The following ELAPOR2 variants were observed in gnomAD, a reference collection of about 807,000 sequenced individuals.
ELAPOR2 encodes endosome/lysosome-associated apoptosis and autophagy regulator family member 2.
A neutral mutation model predicts 120.7 loss-of-function variants in ELAPOR2; 89 were observed. The observed-to-expected ratio is 0.74, with a 90% CI of 0.62 to 0.88. The LOEUF (loss-of-function observed/expected upper bound fraction) is 0.88, where lower values mean the gene tolerates loss of function less well. Among genes scored for constraint, ELAPOR2 ranks in the 40% least tolerant of loss-of-function variants. The pLI, the probability that ELAPOR2 is intolerant of heterozygous loss-of-function variation, is 0.00. For missense variants in ELAPOR2, 1,134 were observed against 1,251.6 expected, an observed-to-expected ratio of 0.91 and a Z score of 1.42; for synonymous variants, 444 against 444.9, an observed-to-expected ratio of 1.00 and a Z score of 0.03.
chr7:87,029,694 C>A (rs1794366719), intron 1 of ELAPOR2, among the ~76,000 whole-genome samples: 1 of 151,928 alleles, frequency 6.6e-6, no homozygotes, highest in African/African-American at 2.4e-5. Flanking sequence ...CTTGCTTGTT[C>A]AAATTATTCA....
At chr7:86,921,570 T>C (rs997205993) in intron 10 of ELAPOR2, among the ~76,000 whole-genome samples, 8 of 152,134 alleles carry the variant, frequency 5.3e-5, no homozygotes, top group African/African-American at 1.7e-4. Context: ...TTCTGGCCTC[T>C]AGAACTCTGA....
intron 2 of ELAPOR2, among the ~76,000 whole-genome samples, chr7:86,960,455 G>A (rs914305823): frequency 1.3e-4 from 20 of 152,102 alleles, no homozygotes; most frequent in African/African-American, 4.6e-4. Flanking sequence ...GTTTCACTAT[G>A]TTGGCCAGGC....
Position 86,923,311 on chromosome 7 carries a change from T to C in ELAPOR2, c.1399+2217A>G, listed in dbSNP as rs532090770. 2.6e-5 allele frequency among the ~76,000 whole-genome samples: 4 copies of C among 152,114 alleles called. No homozygotes were observed. In the East Asian group the frequency reaches 7.8e-4, roughly 30 times the overall value. On this transcript the variant is annotated intron_variant, in intron 10 of 21. Coordinates refer to ENST00000450689, the MANE Select transcript of ELAPOR2 (RefSeq NM_001142749.3). ...TAGAATGTCCCCAACATTAAAAAGA[T>C]TGTTTGAGATGATAATATCCCATTA...
At chr7:86,890,066 A>T (rs1229520842) in intron 21 of ELAPOR2, among the ~76,000 whole-genome samples, 1 of 151,904 alleles carries the variant, frequency 6.6e-6, no homozygotes, top group African/African-American at 2.4e-5. Context: ...AGCTTCAGTC[A>T]GTCATATTAA....
intron 18 of ELAPOR2, among the ~76,000 whole-genome samples, chr7:86,901,630 G>A (rs766360968): frequency 2.0e-4 from 30 of 152,246 alleles, no homozygotes; most frequent in South Asian, 4.2e-4. Flanking sequence ...TCTGGATTTT[G>A]TCTGAGGAGA....
chr7:87,035,389 T>A (rs575294949), intron 1 of ELAPOR2, among the ~76,000 whole-genome samples: 8 of 152,334 alleles, frequency 5.3e-5, no homozygotes, highest in African/African-American at 1.9e-4. Flanking sequence ...CTGCATCCTT[T>A]TGTCTACTAC....
chr7:86,978,679 C>T (rs1792360336), intron 1 of ELAPOR2, among the ~76,000 whole-genome samples: 1 of 152,166 alleles, frequency 6.6e-6, no homozygotes, highest in African/African-American at 2.4e-5. Context: ...AACTGTGTGC[C>T]TTAGGAAGGG....
intron 1 of ELAPOR2, among the ~76,000 whole-genome samples, chr7:87,008,706 T>C (rs2116656057): frequency 6.6e-6 from 1 of 152,324 alleles, no homozygotes; most frequent in Admixed American, 6.5e-5. Context: ...AGGAAATATG[T>C]ACTGAATTAT....
chr7:86,957,353 T>C (rs1791517623), intron 2 of ELAPOR2, among the ~76,000 whole-genome samples: 1 of 152,162 alleles, frequency 6.6e-6, no homozygotes, highest in Admixed American at 6.6e-5. Context: ...CCTACAAAAA[T>C]AAAACACTAA....
chr7:87,011,264 A>AAAAAAG lies in ELAPOR2; in HGVS notation c.190-46241_190-46240insCTTTTT, dbSNP rs1554404742. ...GACTCCATCTCAAAAAAAAAAAAAA[A>AAAAAAG]AAAAGAAAAGAAAAAGAAAATACAC... is the stretch of plus-strand genomic sequence containing the variant. On this transcript the variant is annotated intron_variant, in intron 1 of 21. Transcript: ENST00000450689. Among the ~76,000 whole-genome samples, 842 of 133,578 alleles carry AAAAAAG rather than the reference A, an allele frequency of 6.3e-3. 11 individuals are homozygous for AAAAAAG. The highest frequency in any genetic ancestry group is 7.5e-3 in the Non-Finnish European group (490 of 65,186). 87.6% of individuals were successfully genotyped at this position (133,578 alleles called of 152,430 possible).
chr7:86,911,191 C>T (rs926416532), intron 15 of ELAPOR2, among the ~76,000 whole-genome samples: 1 of 152,082 alleles, frequency 6.6e-6, no homozygotes, highest in African/African-American at 2.4e-5. Context: ...GTATCTGGCA[C>T]ATAACAGGTA....
intron 1 of ELAPOR2, among the ~76,000 whole-genome samples, chr7:86,986,836 GA>G (rs1199365497): frequency 1.3e-5 from 2 of 149,840 alleles, no homozygotes; most frequent in African/African-American, 4.9e-5. Flanking sequence ...CACAGAATTG[GA>G]AAAAAACTAC....
chr7:86,922,158 T>C (rs1789862189), intron 10 of ELAPOR2, among the ~76,000 whole-genome samples: 1 of 152,058 alleles, frequency 6.6e-6, no homozygotes, highest in Admixed American at 6.6e-5. Flanking sequence ...ATAAAAACTA[T>C]ATGGAACAGT....
Position 87,057,264 on chromosome 7 carries a change from TC to T in ELAPOR2, c.189+2060del, listed in dbSNP as rs547314302. Among the ~76,000 whole-genome samples, 77 of 152,268 alleles carry T rather than the reference TC, an allele frequency of 5.1e-4. No homozygotes were observed. The East Asian group carries it at 0.015, about 29-fold the overall frequency. On this transcript the variant is annotated intron_variant, in intron 1 of 21. Coordinates refer to ENST00000450689, the MANE Select transcript of ELAPOR2 (RefSeq NM_001142749.3). ...TTCAAAGTCTGAAAATAACTTGCCC[TC>T]CCCACTTTCCTCTTAAAAACAATGT...
intron 21 of ELAPOR2, among the ~76,000 whole-genome samples, chr7:86,883,670 T>G (rs529803834): frequency 6.6e-6 from 1 of 152,198 alleles, no homozygotes; most frequent in Non-Finnish European, 1.5e-5. Context: ...ATTACATTTA[T>G]ATGAAGTTCT....
At position 87,041,829 on chromosome 7, in the gene ELAPOR2, G is replaced by A. The variant is rs1002272546; in HGVS notation, c.189+17496C>T. Among the ~76,000 whole-genome samples, 3 of 151,860 alleles carry A rather than the reference G, an allele frequency of 2.0e-5. 1 individual carries two copies. The highest frequency in any genetic ancestry group is 4.4e-5 in the Non-Finnish European group (3 of 68,034). On this transcript the variant is annotated intron_variant, in intron 1 of 21. Coordinates refer to ENST00000450689, the MANE Select transcript of ELAPOR2 (RefSeq NM_001142749.3). Reference sequence around the variant, plus strand: ...GACACAGACTGGCAAACTGGATAAAGAGTCAAGACCCATCAGTGTGCTGTA... The same window carrying A: ...GACACAGACTGGCAAACTGGATAAAAAGTCAAGACCCATCAGTGTGCTGTA...
At chr7:86,929,422 A>G (rs1790225427) in intron 8 of ELAPOR2, among the ~76,000 whole-genome samples, 1 of 151,962 alleles carries the variant, frequency 6.6e-6, no homozygotes, top group Admixed American at 6.6e-5. Flanking sequence ...GGTCTCAGCC[A>G]AGCAGGCAAT....
chr7:86,882,261 C>G (rs1261517589), intron 21 of ELAPOR2, among the ~76,000 whole-genome samples: 1 of 152,124 alleles, frequency 6.6e-6, no homozygotes, highest in African/African-American at 2.4e-5. Flanking sequence ...AAAATGAGTA[C>G]AGCAAGATGT....
chr7:86,907,396 A>G (rs903950736), intron 18 of ELAPOR2, among the ~76,000 whole-genome samples: 1 of 152,096 alleles, frequency 6.6e-6, no homozygotes, highest in Non-Finnish European at 1.5e-5. Context: ...TACAAGCAAT[A>G]TAATTAATTT....
Sources: allele counts gnomAD v4.1 joint callset (sites outside exome capture counted in the v4.1 genomes callset), GRCh38; gene constraint gnomAD v4.1.1; transcripts MANE v1.5; gene names NCBI Gene and HGNC (gene_info 2026-07-23, HGNC 2026-07-21).